Variants in PRR23E observed in about 807,000 individuals in gnomAD.
PRR23E encodes PRR23 family member E, also known as proline-rich protein 23E.
chr3:127,194,285 C>T, the PRR23E span, among the ~76,000 whole-genome samples: 2 of 151,900 alleles, frequency 1.3e-5, no homozygotes, highest in Non-Finnish European at 2.9e-5. Flanking sequence ...GAAGAATTGT[C>T]TTGGGCCACA....
At chr3:127,196,536 C>G in the PRR23E span, 2 of 1,314,276 alleles carry the variant, frequency 1.5e-6, no homozygotes, top group Non-Finnish European at 2.0e-6. Flanking sequence ...CTCCCATCCC[C>G]TCCTGTGCGA....
chr3:127,196,955 T>C, the PRR23E span: 1 of 1,599,390 alleles, frequency 6.3e-7, no homozygotes, highest in Non-Finnish European at 8.5e-7. Flanking sequence ...TCTGGATGGG[T>C]TATCCCCCTC....
the PRR23E span, chr3:127,197,007 G>T: frequency 1.3e-6 from 2 of 1,597,778 alleles, no homozygotes; most frequent in African/African-American, 2.7e-5. Context: ...TTGGAGGGGC[G>T]CCTCCAGCTT....
At chr3:127,197,872 C>G in the PRR23E span, 298 of 153,606 alleles carry the variant, frequency 1.9e-3, no homozygotes, top group Middle Eastern at 6.7e-3. Context: ...CCTGGCCACC[C>G]TGTGGGGCCT....
At chr3:127,193,699 G>A in the PRR23E span, among the ~76,000 whole-genome samples, 1 of 152,156 alleles carries the variant, frequency 6.6e-6, no homozygotes, top group Non-Finnish European at 1.5e-5. Context: ...CAAGGAAATC[G>A]GGTTTTGAAT....
the PRR23E span, chr3:127,197,107 C>T: frequency 1.1e-5 from 18 of 1,598,158 alleles, no homozygotes; most frequent in Admixed American, 1.7e-4. Flanking sequence ...TACTCCTTGG[C>T]TTCTCCCACT....
the PRR23E span, among the ~76,000 whole-genome samples, chr3:127,195,740 G>T: frequency 6.6e-6 from 1 of 152,158 alleles, no homozygotes; most frequent in Admixed American, 6.5e-5. Flanking sequence ...GCTCCTTGAT[G>T]CTGGGGCTGG....
At chr3:127,196,671 C>T in the PRR23E span, 1 of 1,576,236 alleles carries the variant, frequency 6.3e-7, no homozygotes, top group Non-Finnish European at 8.6e-7. Flanking sequence ...CTTTGAAGAG[C>T]ACAGCTCATC....
At chr3:127,194,509 A>G in the PRR23E span, among the ~76,000 whole-genome samples, 1 of 152,208 alleles carries the variant, frequency 6.6e-6, no homozygotes, top group Non-Finnish European at 1.5e-5. Context: ...GTGTTTTTCC[A>G]GAACTGATTT....
chr3:127,197,276 G>A, the PRR23E span: 6 of 1,599,234 alleles, frequency 3.8e-6, no homozygotes, highest in African/African-American at 8.0e-5. Flanking sequence ...TCGGTATTTG[G>A]GCACCTTTGC....
chr3:127,197,296 G>C, the PRR23E span: 1 of 1,599,320 alleles, frequency 6.3e-7, no homozygotes, highest in Non-Finnish European at 8.5e-7. Flanking sequence ...CCCTGCTGCA[G>C]TTCAGAGCTC....
chr3:127,197,027 C>T, the PRR23E span: 3 of 1,596,028 alleles, frequency 1.9e-6, no homozygotes, highest in Non-Finnish European at 2.5e-6. Context: ...TTGACCCCCT[C>T]ATAGGAAGTC....
the PRR23E span, chr3:127,196,954 G>A: frequency 2.5e-6 from 4 of 1,599,350 alleles, no homozygotes; most frequent in African/African-American, 1.3e-5. Flanking sequence ...CTCTGGATGG[G>A]TTATCCCCCT....
the PRR23E span, chr3:127,196,688 G>C: frequency 1.9e-6 from 3 of 1,587,746 alleles, no homozygotes; most frequent in Non-Finnish European, 2.6e-6. Flanking sequence ...CATCTAAGAT[G>C]GGCACAGGTG....
At chr3:127,197,222 C>T in the PRR23E span, 2 of 1,598,236 alleles carry the variant, frequency 1.3e-6, no homozygotes, top group Middle Eastern at 1.7e-4. Context: ...GAGCTCCCTA[C>T]TTGAAGACAT....
At chr3:127,195,364 C>T in the PRR23E span, among the ~76,000 whole-genome samples, 1 of 152,140 alleles carries the variant, frequency 6.6e-6, no homozygotes, top group African/African-American at 2.4e-5. Flanking sequence ...GCTGGTAGAG[C>T]AGCTTCTCAA....
At chr3:127,196,694 A>G in the PRR23E span, 1 of 1,589,324 alleles carries the variant, frequency 6.3e-7, no homozygotes, top group South Asian at 1.1e-5. Flanking sequence ...AGATGGGCAC[A>G]GGTGCATCAG....
chr3:127,194,137 C>A, the PRR23E span, among the ~76,000 whole-genome samples: 1 of 152,130 alleles, frequency 6.6e-6, no homozygotes, highest in African/African-American at 2.4e-5. Flanking sequence ...TTTTATCTGC[C>A]TGTATTTTCT....
chr3:127,196,631 A>G, the PRR23E span: 1 of 1,507,908 alleles, frequency 6.6e-7, no homozygotes, highest in South Asian at 1.3e-5. Context: ...CTCAGCTTGC[A>G]GAGGAGTGCA....
Sources: gnomAD v4.1 joint callset for allele counts (sites outside exome capture counted in the v4.1 genomes callset) on GRCh38, gnomAD v4.1.1 for gene constraint, MANE v1.5 for transcripts, NCBI Gene and HGNC (gene_info 2026-07-23, HGNC 2026-07-21) for gene names.